The following ZRANB3 variants were observed in gnomAD, a reference collection of about 807,000 sequenced individuals.
ZRANB3 encodes the protein DNA annealing helicase and endonuclease ZRANB3.
A neutral mutation model predicts 133.8 loss-of-function variants in ZRANB3; 125 were observed. That is an observed-to-expected ratio of 0.93 (90% confidence interval 0.81 to 1.08). ZRANB3 has a LOEUF of 1.08. Among genes scored for constraint, ZRANB3 ranks in the 50% least tolerant of loss-of-function variants. The pLI, the probability that ZRANB3 is intolerant of heterozygous loss-of-function variation, is 0.00. For synonymous variants in ZRANB3, 387 were observed against 432.7 expected (o/e 0.89, Z 1.31); for missense variants, 1,229 against 1,275.5 (o/e 0.96, Z 0.56).
chr2:135,307,760 A>AT (rs777186255), intron 8 of ZRANB3, among the ~76,000 whole-genome samples: 3 of 152,072 alleles, frequency 2.0e-5, no homozygotes, highest in Non-Finnish European at 4.4e-5. Flanking sequence ...CTTTGAGGTG[A>AT]TGATAGTATG....
chr2:135,408,963 T>G (rs1360067377), intron 2 of ZRANB3, among the ~76,000 whole-genome samples: 1 of 151,790 alleles, frequency 6.6e-6, no homozygotes, highest in African/African-American at 2.4e-5. Flanking sequence ...ACCCTAGAAC[T>G]TAGAGTATAA....
At chr2:135,330,009 A>T (rs1684058359) in intron 6 of ZRANB3, among the ~76,000 whole-genome samples, 1 of 152,180 alleles carries the variant, frequency 6.6e-6, no homozygotes, top group South Asian at 2.1e-4. Flanking sequence ...AACAGGGACA[A>T]TTTGACTTCC....
intron 2 of ZRANB3, among the ~76,000 whole-genome samples, chr2:135,404,455 A>G (rs1051560985): frequency 2.6e-5 from 4 of 152,236 alleles, no homozygotes; most frequent in African/African-American, 9.6e-5. Flanking sequence ...ACTATGTGAA[A>G]AGACCAAATC....
intron 12 of ZRANB3, among the ~76,000 whole-genome samples, chr2:135,235,736 A>G (rs1695254407): frequency 6.6e-6 from 1 of 150,694 alleles, no homozygotes; most frequent in Non-Finnish European, 1.5e-5. Flanking sequence ...AAAATTCAAC[A>G]ACCCTTCATG....
chr2:135,382,866 C>G (rs954773550), intron 3 of ZRANB3, among the ~76,000 whole-genome samples: 12 of 152,156 alleles, frequency 7.9e-5, no homozygotes, highest in African/African-American at 1.9e-4. Flanking sequence ...GGAAAAACCA[C>G]TACAAGCCAC....
chr2:135,425,414 A>C (rs553109609), intron 2 of ZRANB3, among the ~76,000 whole-genome samples: 5 of 152,342 alleles, frequency 3.3e-5, no homozygotes, highest in African/African-American at 1.2e-4. Context: ...TTAATTAATA[A>C]TAAAAAACAT....
intron 5 of ZRANB3, among the ~76,000 whole-genome samples, chr2:135,346,316 G>A (rs1306320533): frequency 6.6e-6 from 1 of 152,056 alleles, no homozygotes; most frequent in Non-Finnish European, 1.5e-5. Flanking sequence ...TAGCCAGGAT[G>A]GTCTCGATCT....
Position 135,265,580 on chromosome 2 carries a change from G to A in ZRANB3, c.1493C>T (p.Pro498Leu). 6.2e-7 allele frequency: 1 copy of A among 1,613,684 alleles called. No homozygotes were observed. The highest frequency in any genetic ancestry group is 8.5e-7 in the Non-Finnish European group (1 of 1,179,774). Residue 498 changes from proline to leucine, a missense_variant, in exon 12 of 21, where the codon CCA becomes CTA. Coordinates refer to ENST00000264159, the MANE Select transcript of ZRANB3 (RefSeq NM_032143.4). ...CCTTAACTCTTCAGAACTGTCATTT[G>A]GAGTCCAAGCTTCAGCAAACTGCAG... ...DFLQFAEAWT[P>L]NDSSEELRKE...
At chr2:135,443,244 A>G (rs1312688968) in intron 2 of ZRANB3, among the ~76,000 whole-genome samples, 2 of 152,138 alleles carry the variant, frequency 1.3e-5, no homozygotes, top group African/African-American at 4.8e-5. Context: ...AGAAGCTGGA[A>G]ACCATCATTC....
intron 3 of ZRANB3, among the ~76,000 whole-genome samples, chr2:135,360,949 T>G (rs974883064): frequency 5.3e-5 from 8 of 151,896 alleles, no homozygotes; most frequent in Non-Finnish European, 1.2e-4. Context: ...GTTTGTTTGT[T>G]TGTTTGTTTG....
At chr2:135,493,073 G>A (rs1315969840) in intron 2 of ZRANB3, among the ~76,000 whole-genome samples, 5 of 107,748 alleles carry the variant, frequency 4.6e-5, no homozygotes, top group South Asian at 3.2e-4. Context: ...ACCTCACCCC[G>A]TATTTAAAAA....
chr2:135,464,285 T>C (rs907874439), intron 2 of ZRANB3, among the ~76,000 whole-genome samples: 1 of 152,200 alleles, frequency 6.6e-6, no homozygotes, highest in Middle Eastern at 3.2e-3. Flanking sequence ...CTTTTGTTCT[T>C]CTTTCTTCCT....
intron 8 of ZRANB3, among the ~76,000 whole-genome samples, chr2:135,304,087 A>G (rs1258553894): frequency 6.6e-6 from 1 of 152,072 alleles, no homozygotes; most frequent in African/African-American, 2.4e-5. Context: ...TACACCTTGT[A>G]TTTCTTTTTC....
intron 2 of ZRANB3, among the ~76,000 whole-genome samples, chr2:135,422,497 AG>A (rs891475719): frequency 7.5e-6 from 1 of 133,070 alleles, no homozygotes; most frequent in Non-Finnish European, 1.6e-5. Context: ...GGCGGGGGGC[AG>A]GGGGGCGGCG....
intron 3 of ZRANB3, among the ~76,000 whole-genome samples, chr2:135,376,830 C>T (rs569462895): frequency 1.2e-4 from 19 of 152,056 alleles, no homozygotes; most frequent in Admixed American, 4.6e-4. Context: ...CCTGAATGTA[C>T]GCAAATATTT....
intron 8 of ZRANB3, among the ~76,000 whole-genome samples, chr2:135,286,761 T>G (rs1681392290): frequency 6.6e-6 from 1 of 152,114 alleles, no homozygotes; most frequent in South Asian, 2.1e-4. Context: ...TTGATGGGAT[T>G]ATTATTATTA....
In ZRANB3 at chr2:135,250,204, T is replaced by C. The variant is rs1335188629; in HGVS notation, c.1539+15330A>G. Among the ~76,000 whole-genome samples, 7 of 152,286 alleles carry C rather than the reference T, an allele frequency of 4.6e-5. No individual in the cohort carries two copies. In the East Asian group the frequency reaches 1.2e-3, roughly 25 times the overall value. On this transcript the variant is annotated intron_variant, in intron 12 of 20. Transcript: ENST00000264159. ...GGCATTTTGCCCCTACCCTAGAGAT[T>C]TGTGGAACTTTGAACTTGAGAGAGA...
At chr2:135,307,614 T>A (rs1230635878) in intron 8 of ZRANB3, among the ~76,000 whole-genome samples, 1 of 152,244 alleles carries the variant, frequency 6.6e-6, no homozygotes, top group Non-Finnish European at 1.5e-5. Context: ...AGTTGCTTTA[T>A]GTCTTGGCAA....
At chr2:135,280,922 C>A (rs1681076315) in intron 8 of ZRANB3, among the ~76,000 whole-genome samples, 1 of 152,142 alleles carries the variant, frequency 6.6e-6, no homozygotes. Flanking sequence ...TATAGGAACC[C>A]CACTAAGTCA....
Sources: allele counts gnomAD v4.1 joint callset (sites outside exome capture counted in the v4.1 genomes callset), GRCh38; gene constraint gnomAD v4.1.1; transcripts MANE v1.5; gene names NCBI Gene and HGNC (gene_info 2026-07-23, HGNC 2026-07-21).